XPO1: variants seen among roughly 807,000 people sequenced by gnomAD.
XPO1 encodes the protein exportin-1.
Under a neutral mutation model 133.3 loss-of-function variants are expected in XPO1, and 5 were observed. The observed-to-expected ratio is 0.04, with a 90% CI of 0.02 to 0.08. The LOEUF is 0.08. Among genes scored for constraint, XPO1 ranks in the 10% least tolerant of loss-of-function variants. The pLI is 1.00. For synonymous variants in XPO1, 419 were observed against 408.2 expected, an observed-to-expected ratio of 1.03 and a Z score of -0.32; for missense variants, 506 against 1,267.5, an observed-to-expected ratio of 0.40 and a Z score of 9.12.
At chr2:61,528,618 C>T (rs1359164511) in intron 2 of XPO1, among the ~76,000 whole-genome samples, 1 of 149,002 alleles carries the variant, frequency 6.7e-6, no homozygotes, top group East Asian at 2.0e-4. Context: ...CCCCAGTGCA[C>T]TCCAACCTGG....
intron 4 of XPO1, among the ~76,000 whole-genome samples, chr2:61,511,695 G>C (rs1698104406): frequency 6.6e-6 from 1 of 152,126 alleles, no homozygotes; most frequent in Non-Finnish European, 1.5e-5. Flanking sequence ...CACTGTGCCT[G>C]GCCTGCCTTG....
chr2:61,517,652 T>C (rs1419936845), intron 4 of XPO1, among the ~76,000 whole-genome samples: 2 of 152,196 alleles, frequency 1.3e-5, no homozygotes, highest in African/African-American at 2.4e-5. Context: ...ATTCTTCCAT[T>C]TGACATATTA....
intron 6 of XPO1, among the ~76,000 whole-genome samples, chr2:61,501,348 A>C (rs1440498195): frequency 6.6e-6 from 1 of 152,228 alleles, no homozygotes; most frequent in Non-Finnish European, 1.5e-5. Flanking sequence ...TAAGCATGGA[A>C]ATCAATTAGA....
At chr2:61,502,551 G>C (rs1228995515) in intron 4 of XPO1, 12 of 370,344 alleles carry the variant, frequency 3.2e-5, no homozygotes, top group East Asian at 5.4e-5. Flanking sequence ...CCAGGAATTC[G>C]AGACCAGCAT....
At position 61,505,690 on chromosome 2, in the gene XPO1, CT is replaced by C. The variant is rs549593322; in HGVS notation, c.302-3381del. 3.9e-5 allele frequency among the ~76,000 whole-genome samples: 6 copies of C among 152,246 alleles called. No individual in the cohort carries two copies. In the East Asian group the frequency reaches 1.2e-3, roughly 29 times the overall value. ...TATCCTGCCTCAGCATCCCAAAGTGCTGAGATTACAGACGTGAGCCACCGCA... is the reference window on the plus strand; with the variant it reads ...TATCCTGCCTCAGCATCCCAAAGTGCGAGATTACAGACGTGAGCCACCGCA... On this transcript the variant is annotated intron_variant, in intron 4 of 24. Coordinates refer to ENST00000401558, the MANE Select transcript of XPO1 (RefSeq NM_003400.4).
At chr2:61,537,538 G>A (rs1699407185) in intron 1 of XPO1, 24 bp downstream of exon 1, 1 of 150,028 alleles carries the variant, frequency 6.7e-6, no homozygotes, top group African/African-American at 2.4e-5. Flanking sequence ...CCGACCCTCG[G>A]CCCCGAAGAC....
chr2:61,492,523 A>T lies in XPO1; in HGVS notation c.1567-42T>A. Reference sequence around the variant, plus strand: ...TTTGTATTATTTATTGTAACAACATAATACTTATTTAGCAATTCTAATTCA... The same window carrying T: ...TTTGTATTATTTATTGTAACAACATTATACTTATTTAGCAATTCTAATTCA... On this transcript the variant is annotated intron_variant, in intron 14 of 24. Coordinates refer to ENST00000401558, the MANE Select transcript of XPO1 (RefSeq NM_003400.4). This position sits in a 1 kb window ranked among gnomAD's most constrained non-coding sequence, Gnocchi z 5.6. 1.9e-6 allele frequency: 3 copies of T among 1,594,382 alleles called. No homozygotes were observed. The highest frequency in any genetic ancestry group is 2.6e-6 in the Non-Finnish European group (3 of 1,172,990).
intron 3 of XPO1, chr2:61,526,012 T>C: frequency 2.8e-6 from 3 of 1,062,862 alleles, no homozygotes; most frequent in Non-Finnish European, 3.4e-6. Context: ...AGAAGCCCAA[T>C]GCCATGGAGT....
intron 20 of XPO1, chr2:61,484,371 T>A (rs1384863697): frequency 2.8e-6 from 1 of 356,556 alleles, no homozygotes; most frequent in Non-Finnish European, 5.1e-6. Context: ...ATTATTACCA[T>A]AAGACTACTA....
chr2:61,528,701 G>GT (rs1366683429), intron 2 of XPO1, among the ~76,000 whole-genome samples: 1 of 137,722 alleles, frequency 7.3e-6, no homozygotes, highest in African/African-American at 2.7e-5. Context: ...TCATTTGACA[G>GT]TTTTTAAGAT....
At chr2:61,503,817 T>G (rs1183049535) in intron 4 of XPO1, among the ~76,000 whole-genome samples, 2 of 152,210 alleles carry the variant, frequency 1.3e-5, no homozygotes, top group African/African-American at 4.8e-5. Flanking sequence ...TCCACCTGCC[T>G]TGGCCTCCCA....
chr2:61,531,671 A>G (rs1212301336), intron 2 of XPO1, among the ~76,000 whole-genome samples: 4 of 152,226 alleles, frequency 2.6e-5, no homozygotes, highest in Non-Finnish European at 5.9e-5. Flanking sequence ...TGCTTCCAAT[A>G]TTACATTCAG....
At chr2:61,505,986 C>A (rs1253152821) in intron 4 of XPO1, among the ~76,000 whole-genome samples, 2 of 152,170 alleles carry the variant, frequency 1.3e-5, no homozygotes, top group Non-Finnish European at 2.9e-5. Context: ...CAATAAAACC[C>A]CCATGGCCAG....
At chr2:61,497,099 A>G (rs919927607) in intron 9 of XPO1, 92 bp from the exon 10 acceptor site, 12 of 1,465,238 alleles carry the variant, frequency 8.2e-6, no homozygotes, top group Middle Eastern at 3.6e-4. Flanking sequence ...GGCTTTAACA[A>G]TTAAATATAG....
intron 2 of XPO1, among the ~76,000 whole-genome samples, chr2:61,532,980 A>ACCAGC (rs1699223818): frequency 6.6e-6 from 1 of 152,058 alleles, no homozygotes; most frequent in Non-Finnish European, 1.5e-5. Context: ...GAGTTCCAAG[A>ACCAGC]CCAGCCTGGC....
At chr2:61,537,363 C>T (rs1699398180) in intron 1 of XPO1, among the ~76,000 whole-genome samples, 199 bp downstream of exon 1, 1 of 151,218 alleles carries the variant, frequency 6.6e-6, no homozygotes, top group Non-Finnish European at 1.5e-5. Context: ...AGGCCGCCTC[C>T]CCGCCTCCAT....
intron 4 of XPO1, among the ~76,000 whole-genome samples, chr2:61,503,565 C>T (rs1036809093): frequency 6.6e-6 from 1 of 152,176 alleles, no homozygotes; most frequent in African/African-American, 2.4e-5. Flanking sequence ...GCTGGGACTA[C>T]AGGCGCCCGC....
At chr2:61,519,698 CAAAAAAAAAAAA>C (rs753424450) in intron 4 of XPO1, among the ~76,000 whole-genome samples, 5 of 72,762 alleles carry the variant, frequency 6.9e-5, no homozygotes, top group East Asian at 3.3e-4. Flanking sequence ...GACTCCGTCT[CAAAAAAAAAAAA>C]AAAAAAAAAA....
intron 4 of XPO1, among the ~76,000 whole-genome samples, chr2:61,502,896 C>T (rs1697604730): frequency 6.6e-6 from 1 of 150,480 alleles, no homozygotes; most frequent in Non-Finnish European, 1.5e-5. Flanking sequence ...AACAAGCCAA[C>T]AAGCCCAGCC....
Sources: allele counts gnomAD v4.1 joint callset (sites outside exome capture counted in the v4.1 genomes callset), GRCh38; gene constraint gnomAD v4.1.1; non-coding constraint Gnocchi (gnomAD v3.1); transcripts MANE v1.5; gene names NCBI Gene and HGNC (gene_info 2026-07-23, HGNC 2026-07-21).